Variants in UNC5D observed in about 807,000 individuals in gnomAD.
UNC5D encodes the protein unc-5 netrin receptor D.
Under a neutral mutation model 105.4 loss-of-function variants are expected in UNC5D, and 39 were observed. The ratio of observed to expected loss-of-function variants is 0.37; its 90% CI spans 0.29 to 0.48. UNC5D has a LOEUF of 0.48. Ranked by LOEUF, UNC5D falls within the 20% of genes least tolerant of loss-of-function variation. The probability of loss-of-function intolerance (pLI) is 0.98; values close to 1 mark genes in which losing one functional copy is unlikely to be tolerated. For synonymous variants in UNC5D, 452 were observed against 450.4 expected (o/e 1.00, Z -0.04); for missense variants, 991 against 1,202.4 (o/e 0.82, Z 2.60).
chr8:35,304,308 A>G (rs1037309949), intron 1 of UNC5D, among the ~76,000 whole-genome samples: 1 of 152,030 alleles, frequency 6.6e-6, no homozygotes, highest in Non-Finnish European at 1.5e-5. Flanking sequence ...TACTCTACTT[A>G]GGAAAAAAAA....
chr8:35,598,882 C>G (rs1819648800), intron 4 of UNC5D, among the ~76,000 whole-genome samples: 1 of 152,096 alleles, frequency 6.6e-6, no homozygotes, highest in African/African-American at 2.4e-5. Context: ...ATGGCTCATG[C>G]CTGTAATCCC....
intron 9 of UNC5D, among the ~76,000 whole-genome samples, chr8:35,724,769 C>A (rs997388001): frequency 2.6e-5 from 4 of 152,086 alleles, no homozygotes; most frequent in Admixed American, 2.6e-4. Context: ...CTCCGCAGAA[C>A]CTCCTGTTCT....
intron 4 of UNC5D, among the ~76,000 whole-genome samples, chr8:35,643,451 G>A (rs985642328): frequency 1.3e-5 from 2 of 152,042 alleles, no homozygotes; most frequent in Admixed American, 6.6e-5. Context: ...TGAGTAGCTG[G>A]GACTACAGGC....
At chr8:35,703,017 C>T (rs1419550899) in intron 7 of UNC5D, among the ~76,000 whole-genome samples, 1 of 151,922 alleles carries the variant, frequency 6.6e-6, no homozygotes, top group African/African-American at 2.4e-5. Flanking sequence ...CTAGCCCCGC[C>T]CTAATTTTTA....
intron 2 of UNC5D, among the ~76,000 whole-genome samples, chr8:35,566,126 C>T (rs187966162): frequency 1.3e-5 from 2 of 152,278 alleles, no homozygotes; most frequent in East Asian, 3.9e-4. Context: ...CTTTCACAAA[C>T]AGGGGAAATG....
intron 1 of UNC5D, among the ~76,000 whole-genome samples, chr8:35,411,562 A>T (rs1474831386): frequency 6.6e-6 from 1 of 152,100 alleles, no homozygotes; most frequent in Non-Finnish European, 1.5e-5. Flanking sequence ...TGAATGAAAG[A>T]TGAAATAAAA....
At chr8:35,301,421 T>C (rs554605305) in intron 1 of UNC5D, among the ~76,000 whole-genome samples, 9 of 152,294 alleles carry the variant, frequency 5.9e-5, no homozygotes, top group African/African-American at 2.2e-4. Context: ...AACCAATTCA[T>C]CAATCAGGCA....
At chr8:35,683,421 C>G in intron 4 of UNC5D, 126 bp from the exon 5 acceptor site, 1 of 955,004 alleles carries the variant, frequency 1.0e-6, no homozygotes, top group Non-Finnish European at 1.5e-6. Flanking sequence ...ATAAAGAAAC[C>G]AATCATTGCT....
At chr8:35,607,466 T>C (rs1820371776) in intron 4 of UNC5D, among the ~76,000 whole-genome samples, 1 of 152,156 alleles carries the variant, frequency 6.6e-6, no homozygotes, top group Admixed American at 6.5e-5. Flanking sequence ...CTGCTAGTTA[T>C]TGGCAATCTT....
chr8:35,668,100 C>A (rs1824548669), intron 4 of UNC5D, among the ~76,000 whole-genome samples: 1 of 152,068 alleles, frequency 6.6e-6, no homozygotes, highest in African/African-American at 2.4e-5. Flanking sequence ...CTTCGGCAAA[C>A]CTTAGATTCA....
intron 1 of UNC5D, among the ~76,000 whole-genome samples, chr8:35,485,416 G>A (rs1258339896): frequency 6.6e-6 from 1 of 152,086 alleles, no homozygotes; most frequent in African/African-American, 2.4e-5. Flanking sequence ...AAGAATCCTG[G>A]CTTATATCCT....
intron 1 of UNC5D, among the ~76,000 whole-genome samples, chr8:35,419,650 C>T (rs1208434937): frequency 2.6e-5 from 4 of 152,118 alleles, no homozygotes; most frequent in Admixed American, 6.5e-5. Context: ...ACAGCTCGTT[C>T]GTGTTATGGC....
intron 1 of UNC5D, among the ~76,000 whole-genome samples, chr8:35,369,730 T>C (rs1050749502): frequency 6.6e-6 from 1 of 152,178 alleles, no homozygotes; most frequent in Non-Finnish European, 1.5e-5. Flanking sequence ...ATAACTCTTG[T>C]TTGTCTCTGT....
At chr8:35,716,266 A>ATACC (rs1261935006) in intron 8 of UNC5D, among the ~76,000 whole-genome samples, 2 of 152,214 alleles carry the variant, frequency 1.3e-5, no homozygotes, top group African/African-American at 4.8e-5. Context: ...TTAATATATA[A>ATACC]TACCTACCTC....
At chr8:35,470,807 T>TAAATAAATAAAAA (rs1554538816) in intron 1 of UNC5D, among the ~76,000 whole-genome samples, 11 of 130,502 alleles carry the variant, frequency 8.4e-5, no homozygotes, top group African/African-American at 3.2e-4. Flanking sequence ...AATAAATAAA[T>TAAATAAATAAAAA]AAATAAAATA....
chr8:35,655,158 T>C (rs947366783), intron 4 of UNC5D, among the ~76,000 whole-genome samples: 2 of 152,196 alleles, frequency 1.3e-5, no homozygotes, highest in African/African-American at 4.8e-5. Flanking sequence ...AAAGGGTTTA[T>C]TGGATTATAA....
intron 1 of UNC5D, among the ~76,000 whole-genome samples, chr8:35,374,721 C>A (rs1802600553): frequency 6.6e-6 from 1 of 152,206 alleles, no homozygotes; most frequent in Non-Finnish European, 1.5e-5. Context: ...CCAGGATCTT[C>A]ATTGGTTCAG....
At chr8:35,279,782 T>G (rs186498655) in intron 1 of UNC5D, among the ~76,000 whole-genome samples, 63 of 152,324 alleles carry the variant, frequency 4.1e-4, no homozygotes, top group Middle Eastern at 6.8e-3. Flanking sequence ...CAGTTGCTGT[T>G]GGCTCTTCCG....
At chr8:35,379,805 G>T (rs1178289970) in intron 1 of UNC5D, among the ~76,000 whole-genome samples, 1 of 152,086 alleles carries the variant, frequency 6.6e-6, no homozygotes, top group Non-Finnish European at 1.5e-5. Flanking sequence ...ATAAAGTCTA[G>T]CTTTGCCTTT....
Sources: gnomAD v4.1 joint callset for allele counts (sites outside exome capture counted in the v4.1 genomes callset) on GRCh38, gnomAD v4.1.1 for gene constraint, MANE v1.5 for transcripts, NCBI Gene and HGNC (gene_info 2026-07-23, HGNC 2026-07-21) for gene names.